Variants in PLEK observed in about 807,000 individuals in gnomAD.
The protein encoded by PLEK is pleckstrin, also known as platelet 47 kDa protein.
Under a neutral mutation model 43.9 loss-of-function variants are expected in PLEK, and 25 were observed. The observed-to-expected ratio is 0.57, with a 90% CI of 0.41 to 0.79. The LOEUF is 0.79. Among genes scored for constraint, PLEK ranks in the 30% least tolerant of loss-of-function variants. The pLI is 0.00. For synonymous variants in PLEK, 152 were observed against 144.4 expected (o/e 1.05, Z -0.38); for missense variants, 396 against 413.3 (o/e 0.96, Z 0.36).
At chr2:68,388,136 C>T in intron 5 of PLEK, 1 of 395,806 alleles carries the variant, frequency 2.5e-6, no homozygotes, top group Middle Eastern at 6.7e-4. Flanking sequence ...GGGAGACCCT[C>T]CAGAATAAAA....
At chr2:68,389,060 T>G (rs1296498233) in intron 6 of PLEK, among the ~76,000 whole-genome samples, 1 of 152,156 alleles carries the variant, frequency 6.6e-6, no homozygotes, top group African/African-American at 2.4e-5. Flanking sequence ...GATGTCCAGG[T>G]GTCCACAGGT....
chr2:68,394,101 C>T lies in PLEK; in HGVS notation c.847-6C>T, dbSNP rs759099755. The T allele has an allele frequency of 6.3e-7, 1 of 1,598,058 alleles. No homozygotes were observed. The highest frequency in any genetic ancestry group is 1.1e-5 in the South Asian group (1 of 90,786). On this transcript the variant is annotated splice_region_variant and splice_polypyrimidine_tract_variant and intron_variant, in intron 7 of 8. Transcript: ENST00000234313. ...AAACATAATGAACAACTCCTTTCTT[C>T]TTTAGGCAGAAGATCCCCTGGGAGC...
intron 7 of PLEK, 84 bp downstream of exon 7, chr2:68,393,329 C>T (rs928460595): frequency 7.2e-5 from 66 of 911,658 alleles, no homozygotes; most frequent in Non-Finnish European, 1.0e-4. Flanking sequence ...CCTCTCTACT[C>T]TGTTGATATC....
intron 1 of PLEK, among the ~76,000 whole-genome samples, chr2:68,371,148 C>T (rs986650269): frequency 6.6e-6 from 1 of 152,302 alleles, no homozygotes; most frequent in South Asian, 2.1e-4. Flanking sequence ...AATACAGCTT[C>T]TCATCTGCAG....
chr2:68,378,076 G>A (rs193106429), intron 1 of PLEK, among the ~76,000 whole-genome samples: 13 of 152,156 alleles, frequency 8.5e-5, no homozygotes, highest in Admixed American at 7.9e-4. Flanking sequence ...TATATACACT[G>A]TATAATGTAT....
intron 6 of PLEK, among the ~76,000 whole-genome samples, chr2:68,392,345 A>C (rs1476326015): frequency 6.6e-6 from 1 of 152,008 alleles, no homozygotes; most frequent in East Asian, 1.9e-4. Flanking sequence ...ATTCTTTTTT[A>C]CTTACCATCT....
intron 3 of PLEK, among the ~76,000 whole-genome samples, chr2:68,381,904 G>A (rs1390227610): frequency 6.6e-6 from 1 of 152,198 alleles, no homozygotes; most frequent in African/African-American, 2.4e-5. Context: ...GAACTAAGTG[G>A]GAAAAATGCT....
At chr2:68,369,546 C>A (rs899990213) in intron 1 of PLEK, among the ~76,000 whole-genome samples, 2 of 148,820 alleles carry the variant, frequency 1.3e-5, no homozygotes, top group African/African-American at 2.5e-5. Context: ...TGCAATGGTA[C>A]GATCTCGGCT....
chr2:68,396,744 T>C lies in PLEK; in HGVS notation c.*928T>C, dbSNP rs959513810. 1 of 152,066 alleles carries C rather than the reference T, an allele frequency of 6.6e-6. No individual in the cohort carries two copies. The highest frequency in any genetic ancestry group is 6.6e-5 in the Admixed American group (1 of 15,262). The allele number at this position is 152,066 out of a possible 1,614,324, so 9.4% of individuals were successfully genotyped here. A position where few individuals can be genotyped will look rare whatever the true frequency, so the allele number is the denominator to read the frequency against. Reference sequence around the variant, plus strand: ...AAAGTGGCCAGATGTGTTCCCCCCATGGGTGAGAGGCCTGGGCAACTGCCT... The same window carrying C: ...AAAGTGGCCAGATGTGTTCCCCCCACGGGTGAGAGGCCTGGGCAACTGCCT... On this transcript the variant is annotated 3_prime_UTR_variant, in exon 9 of 9. Transcript: ENST00000234313.
At chr2:68,387,427 G>T (rs1314149725) in intron 5 of PLEK, among the ~76,000 whole-genome samples, 1 of 152,192 alleles carries the variant, frequency 6.6e-6, no homozygotes, top group Non-Finnish European at 1.5e-5. Context: ...TTCCAGACAG[G>T]AGTCTATAAA....
At chr2:68,379,019 A>G (rs1478478914) in intron 1 of PLEK, among the ~76,000 whole-genome samples, 1 of 152,218 alleles carries the variant, frequency 6.6e-6, no homozygotes, top group Non-Finnish European at 1.5e-5. Flanking sequence ...CTGTAATCCC[A>G]GCTACCTGGG....
chr2:68,393,923 G>C (rs1673909142), intron 7 of PLEK, among the ~76,000 whole-genome samples, 184 bp from the exon 8 acceptor site: 1 of 152,150 alleles, frequency 6.6e-6, no homozygotes, highest in Non-Finnish European at 1.5e-5. Flanking sequence ...CACTGAAGCA[G>C]GGTGTGGAGG....
chr2:68,389,937 G>T (rs1467082715), intron 6 of PLEK, among the ~76,000 whole-genome samples: 2 of 152,060 alleles, frequency 1.3e-5, no homozygotes, highest in African/African-American at 2.4e-5. Flanking sequence ...TTATTTTGTT[G>T]ATTTCTTCCA....
At chr2:68,368,102 T>A (rs957580636) in intron 1 of PLEK, among the ~76,000 whole-genome samples, 1 of 152,218 alleles carries the variant, frequency 6.6e-6, no homozygotes, top group African/African-American at 2.4e-5. Flanking sequence ...CTGTTGACAT[T>A]TCACAATCCA....
chr2:68,395,813 G>A lies in PLEK; in HGVS notation c.1050G>A (p.Lys350=). 6.2e-7 allele frequency: 1 copy of A among 1,613,194 alleles called. No individual in the cohort carries two copies. The highest frequency in any genetic ancestry group is 8.5e-7 in the Non-Finnish European group (1 of 1,179,162). The stretch of plus-strand genomic sequence containing the variant: ...TCCAGATGGCCTCCCGAACTGGGAA[G>A]TAAAGAGACTCCTGCATTCCTCCTC... ...RAIQMASRTG[K] is the part of the protein sequence containing the mutation. The change falls in exon 9 of 9, where the codon AAG becomes AAA. Residue 350 remains lysine, a synonymous_variant. Transcript: ENST00000234313.
intron 1 of PLEK, among the ~76,000 whole-genome samples, chr2:68,376,782 G>A (rs1031822974): frequency 5.3e-5 from 8 of 152,004 alleles, no homozygotes; most frequent in African/African-American, 1.7e-4. Context: ...ATCCAATTAC[G>A]CTCTTTTAGT....
At chr2:68,374,000 G>C (rs575027845) in intron 1 of PLEK, among the ~76,000 whole-genome samples, 4 of 152,180 alleles carry the variant, frequency 2.6e-5, no homozygotes, top group African/African-American at 7.2e-5. Flanking sequence ...AGAAAAATGA[G>C]GAAACTAGTA....
rs1673967145 is a variant in PLEK, at chr2:68,396,530, AG to A, written c.*716del. 1 of 152,120 alleles carries A rather than the reference AG, an allele frequency of 6.6e-6. No homozygotes were observed. Among genetic ancestry groups the A allele is most frequent in the Non-Finnish European group, 1.5e-5 (1 of 68,082 alleles). The allele number at this position is 152,120 out of a possible 1,614,324, so 9.4% of individuals were successfully genotyped here. On this transcript the variant is annotated 3_prime_UTR_variant, in exon 9 of 9. Transcript: ENST00000234313. ...TCTGGGAAAGAGACCTGGGGAGGCC[AG>A]GAGTAGCTGAGGGTCCTTTCTGTGC...
At chr2:68,368,658 A>G (rs761752558) in intron 1 of PLEK, among the ~76,000 whole-genome samples, 29 of 152,350 alleles carry the variant, frequency 1.9e-4, no homozygotes, top group Admixed American at 8.5e-4. Context: ...TTTGGAAGGT[A>G]CTCGAATACC....
Sources: allele counts gnomAD v4.1 joint callset (sites outside exome capture counted in the v4.1 genomes callset), GRCh38; gene constraint gnomAD v4.1.1; transcripts MANE v1.5; gene names NCBI Gene and HGNC (gene_info 2026-07-23, HGNC 2026-07-21).